Variants in KIAA0319 observed in about 807,000 individuals in gnomAD.
KIAA0319 encodes dyslexia-associated protein KIAA0319.
KIAA0319 carries 83 observed loss-of-function variants against 108.4 expected under a neutral mutation model. The ratio of observed to expected loss-of-function variants is 0.77; its 90% confidence interval spans 0.64 to 0.92. The LOEUF (loss-of-function observed/expected upper bound fraction) is 0.92, where lower values mean the gene tolerates loss of function less well. Among genes scored for constraint, KIAA0319 ranks in the 40% least tolerant of loss-of-function variants. KIAA0319 has a pLI of 0.00. For synonymous variants in KIAA0319, 484 were observed against 510.4 expected (o/e 0.95, Z 0.70); for missense variants, 1,195 against 1,322.4 (o/e 0.90, Z 1.49).
intron 1 of KIAA0319, among the ~76,000 whole-genome samples, chr6:24,609,273 CA>C (rs886616830): frequency 9.1e-4 from 68 of 74,852 alleles, no homozygotes; most frequent in Admixed American, 1.8e-3. Context: ...GTCTCAAAAA[CA>C]AAAAAAAAAA....
chr6:24,619,884 G>A (rs552724132), intron 1 of KIAA0319, among the ~76,000 whole-genome samples: 3 of 152,084 alleles, frequency 2.0e-5, no homozygotes, highest in African/African-American at 7.2e-5. Context: ...CAATTCCCTC[G>A]CTGCTTCAGC....
intron 19 of KIAA0319, among the ~76,000 whole-genome samples, chr6:24,553,888 T>C (rs1373626906): frequency 1.3e-5 from 2 of 152,220 alleles, no homozygotes; most frequent in Non-Finnish European, 2.9e-5. Context: ...TCTCACCCTA[T>C]GCATCTCTTC....
intron 1 of KIAA0319, among the ~76,000 whole-genome samples, chr6:24,639,270 C>A (rs1040444203): frequency 1.3e-5 from 2 of 151,946 alleles, no homozygotes; most frequent in Admixed American, 1.3e-4. Flanking sequence ...CTATAAGGAG[C>A]CAGAGACGAA....
chr6:24,556,943 C>G (rs1183511982), intron 17 of KIAA0319, among the ~76,000 whole-genome samples: 1 of 152,172 alleles, frequency 6.6e-6, no homozygotes, highest in Non-Finnish European at 1.5e-5. Context: ...CCACACCACG[C>G]AGCAAAAGCC....
At chr6:24,644,806 TAAATC>T (rs933833425) in intron 1 of KIAA0319, among the ~76,000 whole-genome samples, 120 of 152,312 alleles carry the variant, frequency 7.9e-4, no homozygotes, top group African/African-American at 2.7e-3. Flanking sequence ...TTAATACAAA[TAAATC>T]AGAGTACTTA....
Position 24,596,570 on chromosome 6 carries a change from A to G in KIAA0319, c.104T>C (p.Val35Ala), listed in dbSNP as rs1158243587. The change falls in exon 3 of 21, where the codon GTC (valine) becomes GCC (alanine). Residue 35 changes from valine (V) to alanine (A), a missense_variant. Transcript: ENST00000378214. ...CSEGRTYSNA[V>A]ISPNLETTRI... is the part of the protein sequence containing the mutation. ...GGTGGTTTCCAAGTTAGGTGAAATG[A>G]CTGCATTGGAATATGTCCTCCCCTC... 6.2e-7 allele frequency: 1 copy of G among 1,613,502 alleles called. No homozygotes were observed. Among genetic ancestry groups the G allele is most frequent in the South Asian group, 1.1e-5 (1 of 91,058 alleles).
chr6:24,595,294 C>G (rs1235634130), intron 3 of KIAA0319, among the ~76,000 whole-genome samples: 7 of 152,040 alleles, frequency 4.6e-5, no homozygotes, highest in Non-Finnish European at 1.0e-4. Context: ...CGCCTGTAAT[C>G]CCAGCACTTT....
chr6:24,540,650 C>CTTCTT (rs35244025), downstream of KIAA0319, among the ~76,000 whole-genome samples: 160 of 146,726 alleles, frequency 1.1e-3, 2 homozygotes, highest in South Asian at 2.6e-3. Flanking sequence ...GACTTTGTTT[C>CTTCTT]TTTTTTTTTT....
intron 1 of KIAA0319, among the ~76,000 whole-genome samples, chr6:24,611,417 T>C (rs1772298948): frequency 6.6e-6 from 1 of 152,126 alleles, no homozygotes. Context: ...GAGAATCGCC[T>C]GAATCCGGGA....
At chr6:24,564,398 C>T in intron 14 of KIAA0319, 58 bp from the exon 15 acceptor site, 6 of 1,607,142 alleles carry the variant, frequency 3.7e-6, no homozygotes, top group Non-Finnish European at 5.1e-6. Flanking sequence ...AATTTCTGGG[C>T]TTCTGTTGAT....
Position 24,601,107 on chromosome 6 carries a change from G to T in KIAA0319, c.-4C>A. Reference sequence around the variant, plus strand: ...GCACACCTGTGGGGGGCGCCATTGTGCACCACACAGTGGGTGATGGCAGGC... The same window carrying T: ...GCACACCTGTGGGGGGCGCCATTGTTCACCACACAGTGGGTGATGGCAGGC... On this transcript the variant is annotated 5_prime_UTR_variant, in exon 2 of 21. Transcript: ENST00000378214. 6.2e-7 allele frequency: 1 copy of T among 1,614,130 alleles called. No individual in the cohort carries two copies. Among genetic ancestry groups the T allele is most frequent in the East Asian group, 2.2e-5 (1 of 44,880 alleles).
intron 1 of KIAA0319, among the ~76,000 whole-genome samples, chr6:24,624,369 TC>T (rs942277524): frequency 1.4e-4 from 21 of 152,014 alleles, no homozygotes; most frequent in Admixed American, 5.9e-4. Flanking sequence ...AAACTATCTA[TC>T]AAACATGTAA....
chr6:24,628,673 T>C (rs1016260174), intron 1 of KIAA0319, among the ~76,000 whole-genome samples: 1 of 152,166 alleles, frequency 6.6e-6, no homozygotes, highest in African/African-American at 2.4e-5. Flanking sequence ...AAGTTGGAAA[T>C]CAACGCATCA....
chr6:24,622,406 CAATT>C (rs1774101980), intron 1 of KIAA0319, among the ~76,000 whole-genome samples: 1 of 148,518 alleles, frequency 6.7e-6, no homozygotes, highest in African/African-American at 2.5e-5. Flanking sequence ...CTTTAAACCA[CAATT>C]AATATCAATA....
rs1762035580 is a variant in KIAA0319 at position 24,554,602 on chromosome 6, C to T, written c.2887G>A (p.Ala963Thr). ...EWSIFYVTVL[A>T]FTLIVLTGGF... is the part of the protein sequence containing the mutation. ...CCTGTTAGCACAATAAGAGTAAAAG[C>T]CAACACTGTCACATAGAATATACTC... Residue 963 changes from alanine (A) to threonine (T), a missense_variant, in exon 19 of 21, where the codon GCT becomes ACT. Transcript: ENST00000378214. 1.9e-6 allele frequency: 3 copies of T among 1,613,762 alleles called. No homozygotes were observed. Among genetic ancestry groups the T allele is most frequent in the Non-Finnish European group, 2.5e-6 (3 of 1,179,830 alleles).
At position 24,641,905 on chromosome 6, in the gene KIAA0319, G is replaced by A. The variant is rs6922762; in HGVS notation, c.-106+3831C>T. ...CAATTAGTTGGGCTTGGTGGTATGC[G>A]CCTGTAGTCTCAGTTACTCAGGAGG... On this transcript the variant is annotated intron_variant, in intron 1 of 20. Transcript: ENST00000378214. Among the ~76,000 whole-genome samples, 564 of 151,582 alleles carry A rather than the reference G, an allele frequency of 3.7e-3. 10 individuals carry two copies. The highest frequency in any genetic ancestry group is 0.013 in the African/African-American group (531 of 41,276).
At chr6:24,591,457 A>G (rs1322854047) in intron 3 of KIAA0319, among the ~76,000 whole-genome samples, 3 of 151,980 alleles carry the variant, frequency 2.0e-5, no homozygotes, top group Admixed American at 2.0e-4. Flanking sequence ...AAATAAAAAT[A>G]AAAAAAATTA....
At chr6:24,625,093 T>TAAATAAA (rs1774522966) in intron 1 of KIAA0319, among the ~76,000 whole-genome samples, 1 of 152,208 alleles carries the variant, frequency 6.6e-6, no homozygotes, top group Non-Finnish European at 1.5e-5. Context: ...AATAAAAGAA[T>TAAATAAA]TGTATAATAC....
At position 24,588,696 on chromosome 6, in the gene KIAA0319, C is replaced by A. The variant is rs767798827; in HGVS notation, c.891G>T (p.Pro297=). The part of the protein sequence containing the change: ...VEKSPVLTVT[P]GSTEHSIPTP... ...TTGGGATGCTGTGCTCTGTACTCCCCGGGGTGACTGTGAGCACTGGGCTTT... is the reference window on the plus strand; with the variant it reads ...TTGGGATGCTGTGCTCTGTACTCCCAGGGGTGACTGTGAGCACTGGGCTTT... Residue 297 remains proline, a synonymous_variant, in exon 4 of 21, where the codon CCG becomes CCT. Coordinates refer to ENST00000378214, the MANE Select transcript of KIAA0319 (RefSeq NM_014809.4). The A allele has an allele frequency of 3.1e-6, 5 of 1,613,904 alleles. No individual in the cohort carries two copies. The highest frequency in any genetic ancestry group is 1.1e-5 in the South Asian group (1 of 91,068).
Sources: allele counts gnomAD v4.1 joint callset (sites outside exome capture counted in the v4.1 genomes callset), GRCh38; gene constraint gnomAD v4.1.1; transcripts MANE v1.5; gene names NCBI Gene and HGNC (gene_info 2026-07-23, HGNC 2026-07-21).